ACOT11: variants seen among roughly 807,000 people sequenced by gnomAD.
The protein encoded by ACOT11 is acyl-coenzyme A thioesterase 11.
ACOT11 carries 69 observed loss-of-function variants against 77.5 expected under a neutral mutation model. The ratio of observed to expected loss-of-function variants is 0.89; its 90% CI spans 0.73 to 1.09. ACOT11 has a LOEUF of 1.09. ACOT11 is among the 50% of genes least tolerant of loss of function. The pLI is 0.00. For synonymous variants in ACOT11, 279 were observed against 313.0 expected (o/e 0.89, Z 1.15); for missense variants, 766 against 813.7 (o/e 0.94, Z 0.71).
At chr1:54,577,024 CA>C (rs1421649029) in intron 1 of ACOT11, among the ~76,000 whole-genome samples, 8 of 152,118 alleles carry the variant, frequency 5.3e-5, no homozygotes, top group African/African-American at 1.9e-4. Context: ...CTGCTTTCAC[CA>C]TATCTTCCCC....
intron 15 of ACOT11, among the ~76,000 whole-genome samples, chr1:54,625,834 G>A (rs932086459): frequency 1.3e-5 from 2 of 151,644 alleles, no homozygotes; most frequent in African/African-American, 2.4e-5. Flanking sequence ...AGCTACTCGG[G>A]AGGCTGAGGT....
In ACOT11 at chr1:54,554,345, A is replaced by T. The variant is rs1055165646; in HGVS notation, c.33+6003A>T. 6.0e-4 allele frequency among the ~76,000 whole-genome samples: 60 copies of T among 100,544 alleles called. 1 individual carries two copies. Among genetic ancestry groups the T allele is most frequent in the Middle Eastern group, 4.3e-3 (1 of 232 alleles). The allele number at this position is 100,544 out of a possible 152,430, so 66.0% of individuals were successfully genotyped here. A position where few individuals can be genotyped will look rare whatever the true frequency, so the allele number is the denominator to read the frequency against. ...TGTGTGTGTGTGTGTATATATATAT[A>T]TATATATTTTTTTTTTTTTTTTTTG... is the stretch of plus-strand genomic sequence containing the variant. On this transcript the variant is annotated intron_variant, in intron 1 of 15. Coordinates refer to ENST00000343744, the MANE Select transcript of ACOT11 (RefSeq NM_147161.4).
At chr1:54,562,320 AC>A (rs1287180748) in intron 1 of ACOT11, among the ~76,000 whole-genome samples, 1 of 56,692 alleles carries the variant, frequency 1.8e-5, no homozygotes, top group Admixed American at 1.6e-4. Context: ...GGGGGGGCTG[AC>A]CCCCCCATCT....
chr1:54,615,310 G>T (rs61770422), downstream of ACOT11, among the ~76,000 whole-genome samples: 13,953 of 152,192 alleles, frequency 0.092, 820 homozygotes, highest in East Asian at 0.22. Flanking sequence ...TTTCAGGGTG[G>T]TGAGGAGATG....
chr1:54,609,092 C>T lies in ACOT11; in HGVS notation c.1765C>T (p.Pro589Ser), dbSNP rs1004756399. Residue 589 changes from proline (P) to serine (S), a missense_variant, in exon 16 of 16, where the codon CCC becomes TCC. Transcript: ENST00000343744. ...CTTGGACAACCGGAATGATCTGGCCCCCAGCCTCCAGACCCTCTAGATGCC... is the reference window on the plus strand; with the variant it reads ...CTTGGACAACCGGAATGATCTGGCCTCCAGCCTCCAGACCCTCTAGATGCC... ...FLLDNRNDLA[P>S]SLQTL The T allele has an allele frequency of 6.2e-7, 1 of 1,614,158 alleles. No homozygotes were observed. Among genetic ancestry groups the T allele is most frequent in the Non-Finnish European group, 8.5e-7 (1 of 1,180,018 alleles).
chr1:54,584,774 G>C lies in ACOT11; in HGVS notation c.153G>C (p.Gln51His). 6.2e-7 allele frequency: 1 copy of C among 1,613,992 alleles called. No individual in the cohort carries two copies. Among genetic ancestry groups the C allele is most frequent in the Non-Finnish European group, 8.5e-7 (1 of 1,180,032 alleles). The change falls in exon 2 of 16, where the codon CAG (glutamine) becomes CAC (histidine). Residue 51 changes from glutamine to histidine, a missense_variant. Gln to His is a conservative substitution (Grantham distance 24). Transcript: ENST00000343744. This position sits in a 1 kb window ranked among gnomAD's most constrained non-coding sequence, Gnocchi z 6.3. ...ACCCCACGGAGGTGCAGATGAGCCA[G>C]CTGGTGCTGCCCTGCCACACCAACC... The part of the protein sequence containing the change: ...YRNPTEVQMS[Q>H]LVLPCHTNQR...
chr1:54,562,222 AC>A (rs1306665991), intron 1 of ACOT11, among the ~76,000 whole-genome samples: 46 of 54,086 alleles, frequency 8.5e-4, no homozygotes, highest in African/African-American at 4.9e-3. Context: ...CGGAGGGCTG[AC>A]CCCCCCACCT....
At chr1:54,614,913 T>C (rs1196526852), downstream of ACOT11, 11 of 1,578,170 alleles carry the variant, frequency 7.0e-6, no homozygotes, top group Admixed American at 5.2e-5. Flanking sequence ...TAGGAATACA[T>C]GACTCCCTGG....
At chr1:54,588,254 C>T (rs892730527) in intron 3 of ACOT11, among the ~76,000 whole-genome samples, 7 of 152,092 alleles carry the variant, frequency 4.6e-5, no homozygotes, top group Non-Finnish European at 8.8e-5. Context: ...TTCCCATATA[C>T]CCCACACCCA....
intron 1 of ACOT11, among the ~76,000 whole-genome samples, chr1:54,554,253 GATTTT>G (rs141527793): frequency 0.24 from 33,743 of 142,108 alleles, 4,407 homozygotes; most frequent in Middle Eastern, 0.42. Flanking sequence ...CAAATGGCAG[GATTTT>G]ATTTTATTTT....
At chr1:54,636,908 A>G (rs917860611) in exon 17 of ACOT11, 1 of 158,906 alleles carries the variant, frequency 6.3e-6, no homozygotes, top group South Asian at 2.0e-4. Context: ...CATCTTGCAC[A>G]GCCCTTAATC....
At chr1:54,580,512 C>G (rs1654267851) in intron 1 of ACOT11, among the ~76,000 whole-genome samples, 1 of 152,178 alleles carries the variant, frequency 6.6e-6, no homozygotes, top group East Asian at 1.9e-4. Context: ...TCACCTGAAC[C>G]CTTTGCCCTG....
intron 1 of ACOT11, among the ~76,000 whole-genome samples, chr1:54,554,740 G>C (rs1653202360): frequency 6.6e-6 from 1 of 151,988 alleles, no homozygotes; most frequent in Non-Finnish European, 1.5e-5. Flanking sequence ...AATAAACACG[G>C]GAGTAGAGGT....
chr1:54,607,110 A>T lies in ACOT11; in HGVS notation c.1371-24A>T. ...ATGGGAGCTGGAAGCTTCCTGGGGCACTGAGATCCCGGCCTCCCCACAGGA... is the reference window on the plus strand; with the variant it reads ...ATGGGAGCTGGAAGCTTCCTGGGGCTCTGAGATCCCGGCCTCCCCACAGGA... On this transcript the variant is annotated intron_variant, in intron 13 of 15. Coordinates refer to ENST00000343744, the MANE Select transcript of ACOT11 (RefSeq NM_147161.4). This position sits in a 1 kb window ranked among gnomAD's most constrained non-coding sequence, Gnocchi z 4.5. The T allele has an allele frequency of 6.2e-7, 1 of 1,613,366 alleles. No homozygotes were observed.
At chr1:54,636,084 CTA>C (rs1170409484) in exon 17 of ACOT11, 1 of 152,224 alleles carries the variant, frequency 6.6e-6, no homozygotes, top group African/African-American at 2.4e-5. Context: ...AATTTAATAT[CTA>C]TAGAAACAAT....
chr1:54,634,732 C>T (rs747742220), exon 17 of ACOT11: 120 of 702,398 alleles, frequency 1.7e-4, no homozygotes, highest in Non-Finnish European at 1.0e-4. Flanking sequence ...ACACCTGAAA[C>T]CTTATCATGA....
chr1:54,601,303 C>G lies in ACOT11; in HGVS notation c.919C>G (p.Gln307Glu). ...GGGCGTGTGCGTGGAGGCCTATCGC[C>G]AGGAGGCTGAGACCCACCGGCGCCA... The part of the protein sequence containing the change: ...EVGVCVEAYR[Q>E]EAETHRRHIN... The change falls in exon 9 of 16, where the codon CAG becomes GAG. Residue 307 changes from glutamine (Q) to glutamate (E), a missense_variant. By Grantham distance (29) the Gln-to-Glu change is conservative. Coordinates refer to ENST00000343744, the MANE Select transcript of ACOT11 (RefSeq NM_147161.4). 6.2e-7 allele frequency: 1 copy of G among 1,613,116 alleles called. No individual in the cohort carries two copies. The highest frequency in any genetic ancestry group is 2.2e-5 in the East Asian group (1 of 44,876).
chr1:54,585,750 G>A (rs903222741), intron 2 of ACOT11, 85 bp from the exon 3 acceptor site: 1 of 1,434,128 alleles, frequency 7.0e-7, no homozygotes, highest in Non-Finnish European at 9.6e-7. Context: ...GGCGGCTGGA[G>A]AAGCCTCCTG....
chr1:54,597,024 G>C (rs1409494986), intron 6 of ACOT11, among the ~76,000 whole-genome samples: 5 of 152,258 alleles, frequency 3.3e-5, no homozygotes, highest in Non-Finnish European at 7.3e-5. Context: ...CTGGAGTGGA[G>C]CTGAGGCTCA....
Sources: gnomAD v4.1 joint callset for allele counts (sites outside exome capture counted in the v4.1 genomes callset) on GRCh38, gnomAD v4.1.1 for gene constraint, Gnocchi (gnomAD v3.1) non-coding constraint, MANE v1.5 for transcripts, NCBI Gene and HGNC (gene_info 2026-07-23, HGNC 2026-07-21) for gene names.